MYO15A: variants seen among roughly 807,000 people sequenced by gnomAD.
The protein encoded by MYO15A is myosin XVA.
In MYO15A, 308 loss-of-function variants were observed where a neutral mutation model predicts 394.6. The ratio of observed to expected loss-of-function variants is 0.78; its 90% CI spans 0.71 to 0.86. The LOEUF (loss-of-function observed/expected upper bound fraction) is 0.86. MYO15A is among the 40% of genes least tolerant of loss of function. The probability of loss-of-function intolerance (pLI) is 0.00; values close to 1 mark genes in which losing one functional copy is unlikely to be tolerated. For missense variants in MYO15A, 4,606 were observed against 4,799.1 expected (o/e 0.96, Z 1.19); for synonymous variants, 1,957 against 2,003.8 (o/e 0.98, Z 0.62).
rs757305597 is a variant in MYO15A, at chr17:18,135,754, T to C, written c.4526T>C (p.Ile1509Thr). The change falls in exon 13 of 66, where the codon ATC becomes ACC. Residue 1509 changes from isoleucine (I) to threonine (T), a missense_variant. By Grantham distance (89) the Ile-to-Thr change is moderately conservative. Coordinates refer to ENST00000647165, the MANE Select transcript of MYO15A (RefSeq NM_016239.4). ...EVASVVSARE[I>T]QAVAELLQIS... ...GCCTCAGTGGTGAGTGCCCGAGAGA[T>C]CCAGGCCGTGGCAGAGCTGCTGCAG... The C allele has an allele frequency of 2.5e-5, 41 of 1,614,180 alleles. No individual in the cohort carries two copies. The South Asian group carries it at 4.5e-4, about 18-fold the overall frequency.
intron 64 of MYO15A, 136 bp from the exon 65 acceptor site, chr17:18,173,645 A>G: frequency 8.3e-7 from 1 of 1,205,138 alleles, no homozygotes; most frequent in East Asian, 2.4e-5. Context: ...AAGGTCACGC[A>G]AGTCACTGGG....
chr17:18,121,301 GC>G lies in MYO15A; in HGVS notation c.2504del (p.Pro835HisfsTer28). ...PAPRRAAGRLGPPGSPLPGSP... is the reference protein window; with the variant it reads ...PAPRRAAGRLXPPGSPLPGSP... ...CCACGCCGAGCCGCTGGGCGCCTGGGCCCACCCGGCTCGCCGCTGCCGGGCT... is the reference window on the plus strand; with the variant it reads ...CCACGCCGAGCCGCTGGGCGCCTGGGCCACCCGGCTCGCCGCTGCCGGGCT... On this transcript the variant is annotated frameshift_variant, in exon 2 of 66. Transcript: ENST00000647165. LOFTEE classifies it high-confidence loss of function. This position sits in a 1 kb window ranked among gnomAD's most constrained non-coding sequence, Gnocchi z 5.3. 7.5e-7 allele frequency: 1 copy of G among 1,332,690 alleles called. No individual in the cohort carries two copies. The highest frequency in any genetic ancestry group is 1.8e-5 in the South Asian group (1 of 56,566). 82.6% of individuals were successfully genotyped at this position (1,332,690 alleles called of 1,614,324 possible). A position where few individuals can be genotyped will look rare whatever the true frequency, so the allele number is the denominator to read the frequency against.
intron 41 of MYO15A, 31 bp from the exon 42 acceptor site, chr17:18,152,081 C>T (rs1272919071): frequency 5.2e-6 from 8 of 1,550,262 alleles, no homozygotes; most frequent in Non-Finnish European, 7.0e-6. Flanking sequence ...CTGCCTGTTG[C>T]CCCCTGAGCA....
At position 18,171,713 on chromosome 17, in the gene MYO15A, C is replaced by G. The variant is rs772336223; in HGVS notation, c.10158C>G (p.Ser3386Arg). The G allele has an allele frequency of 1.9e-6, 3 of 1,612,882 alleles. No homozygotes were observed. The African/African-American group carries it at 4.0e-5, about 21-fold the overall frequency. ...GCTCGACCTGGCTCAACCTGGTCAG[C>G]CAGCACCGGCAGCAGACACAGGCGC... ...TAGSTWLNLV[S>R]QHRQQTQALS... The change falls in exon 63 of 66, where the codon AGC becomes AGG. Residue 3386 changes from serine to arginine, a missense_variant. Ser to Arg is a moderately radical substitution (Grantham distance 110). Around this residue, in one of 2 missense-constraint regions of MYO15A, gnomAD observed 2,776 missense variants for 3,109.3 expected, o/e 0.89. Coordinates refer to ENST00000647165, the MANE Select transcript of MYO15A (RefSeq NM_016239.4).
intron 16 of MYO15A, 151 bp downstream of exon 16, chr17:18,137,830 G>A (rs1478613272): frequency 5.0e-6 from 5 of 999,820 alleles, no homozygotes; most frequent in Non-Finnish European, 7.6e-6. Flanking sequence ...ACCAGCCCAT[G>A]GGAAGGCCTC....
At position 18,120,121 on chromosome 17, in the gene MYO15A, G is replaced by A. The variant is rs1340965074; in HGVS notation, c.1321G>A (p.Ala441Thr). 1 of 1,612,784 alleles carries A rather than the reference G, an allele frequency of 6.2e-7. No individual in the cohort carries two copies. Among genetic ancestry groups the A allele is most frequent in the Admixed American group, 1.7e-5 (1 of 60,018 alleles). The change falls in exon 2 of 66, where the codon GCG (alanine) becomes ACG (threonine). Residue 441 changes from alanine to threonine, a missense_variant. Around this residue, in one of 2 missense-constraint regions of MYO15A, gnomAD observed 1,830 missense variants for 1,689.7 expected, o/e 1.08. Coordinates refer to ENST00000647165, the MANE Select transcript of MYO15A (RefSeq NM_016239.4). ...DIAELEEPED[A>T]GVERQGTSFR... ...CGCCGAGCTGGAGGAACCAGAGGAC[G>A]CGGGCGTAGAGCGTCAGGGGACCTC...
chr17:18,170,923 G>C (rs1216655644), intron 62 of MYO15A, among the ~76,000 whole-genome samples: 2 of 152,312 alleles, frequency 1.3e-5, no homozygotes, highest in Non-Finnish European at 2.9e-5. Flanking sequence ...AACTGGGGAG[G>C]CTGGGTTCAG....
chr17:18,167,799 G>C, intron 62 of MYO15A, 76 bp downstream of exon 62: 1 of 1,586,720 alleles, frequency 6.3e-7, no homozygotes, highest in South Asian at 1.1e-5. Flanking sequence ...ACCCTCCTCA[G>C]AGCTGGCAGT....
chr17:18,121,446 T>C lies in MYO15A; in HGVS notation c.2646T>C (p.Ala882=). The C allele has an allele frequency of 1.9e-6, 3 of 1,547,908 alleles. No homozygotes were observed. Among genetic ancestry groups the C allele is most frequent in the Non-Finnish European group, 2.6e-6 (3 of 1,146,714 alleles). Residue 882 remains alanine, a synonymous_variant, in exon 2 of 66, where the codon GCT becomes GCC. Transcript: ENST00000647165. This position sits in a 1 kb window ranked among gnomAD's most constrained non-coding sequence, Gnocchi z 5.3. ...GCCTCAGCGAGCCACCCACTCGGGC[T>C]GTGAAGCCGCAAGTGCGCCTGCCCT... ...WRRLSEPPTR[A]VKPQVRLPFH...
At chr17:18,122,928 G>C (rs563040547) in intron 2 of MYO15A, 54 of 159,064 alleles carry the variant, frequency 3.4e-4, no homozygotes, top group Admixed American at 1.6e-3. Flanking sequence ...TTCTGGAATA[G>C]GTCAGGGTGA....
rs1429573060 is a variant in MYO15A, at chr17:18,120,075, T to G, written c.1275T>G (p.Tyr425Ter). 1.9e-6 allele frequency: 3 copies of G among 1,612,892 alleles called. No individual in the cohort carries two copies. Among genetic ancestry groups the G allele is most frequent in the Non-Finnish European group, 2.5e-6 (3 of 1,179,764 alleles). The change falls in exon 2 of 66, where the codon TAT (tyrosine) becomes TAG (stop). Residue 425 changes from tyrosine to a stop codon, truncating the protein, a stop_gained. Coordinates refer to ENST00000647165, the MANE Select transcript of MYO15A (RefSeq NM_016239.4). LOFTEE classifies it high-confidence loss of function. ...PPPIPSPHNP[Y>*]AHAMDDIAEL... ...CCATCCCGTCGCCCCACAACCCGTATGCCCACGCCATGGATGACATCGCCG... is the reference window on the plus strand; with the variant it reads ...CCATCCCGTCGCCCCACAACCCGTAGGCCCACGCCATGGATGACATCGCCG...
rs771900135 is a variant in MYO15A at position 18,138,150 on chromosome 17, G to A, written c.4911G>A (p.Glu1637=). The A allele has an allele frequency of 3.1e-5, 50 of 1,613,188 alleles. No homozygotes were observed. Among genetic ancestry groups the A allele is most frequent in the Non-Finnish European group, 4.2e-5 (49 of 1,180,028 alleles). ...EYIREQIDWQ[E]ITFADNQPCI... ...TCCGTGAGCAGATAGACTGGCAGGA[G>A]ATCACCTTTGCTGACAACCAGCCCT... is the stretch of plus-strand genomic sequence containing the variant. The change falls in exon 17 of 66, where the codon GAG becomes GAA. Residue 1637 remains glutamate, a synonymous_variant. Transcript: ENST00000647165.
chr17:18,177,974 G>A (rs1422370236), intron 65 of MYO15A: 1 of 152,594 alleles, frequency 6.6e-6, no homozygotes, highest in Non-Finnish European at 1.5e-5. Flanking sequence ...CTAAGCCTGG[G>A]TCACTGCCCA....
Position 18,130,825 on chromosome 17 carries a change from T to TGTGTGTG in MYO15A, c.4038+16_4038+22dup. 1 of 1,209,278 alleles carries TGTGTGTG rather than the reference T, an allele frequency of 8.3e-7. No homozygotes were observed. Among genetic ancestry groups the TGTGTGTG allele is most frequent in the Non-Finnish European group, 1.1e-6 (1 of 875,246 alleles). The allele number at this position is 1,209,278 out of a possible 1,614,324, so 74.9% of individuals were successfully genotyped here. On this transcript the variant is annotated intron_variant, in intron 8 of 65. Transcript: ENST00000647165. ...TGAAGATAAAGGTACTCAGTGTGTG[T>TGTGTGTG]GTGTGTGTGTGTGTGTGTGTGTGTG...
intron 64 of MYO15A, 65 bp from the exon 65 acceptor site, chr17:18,173,716 G>C (rs1016599049): frequency 2.7e-5 from 44 of 1,607,052 alleles, no homozygotes; most frequent in Middle Eastern, 1.6e-4. Context: ...TGCAGGGCAG[G>C]GGTAAGAGTG....
rs777923747 is a variant in MYO15A at position 18,166,335 on chromosome 17, C to T, written c.9788-26C>T. The T allele has an allele frequency of 1.9e-6, 3 of 1,609,100 alleles. No homozygotes were observed. In the African/African-American group the frequency reaches 4.0e-5, roughly 21 times the overall value. On this transcript the variant is annotated intron_variant, in intron 60 of 65. Transcript: ENST00000647165. ...ATGTGTGTGCACACATGCCCCCACC[C>T]AGCCCTGCCTCCCTGCTCTCTGCAG...
Position 18,121,442 on chromosome 17 carries a change from G to A in MYO15A, c.2642G>A (p.Arg881Gln), listed in dbSNP as rs748721865. The change falls in exon 2 of 66, where the codon CGG (arginine) becomes CAG (glutamine). Residue 881 changes from arginine to glutamine, a missense_variant. Transcript: ENST00000647165. The surrounding 1 kb of genome is among the most constrained non-coding windows in gnomAD (Gnocchi z 5.3). ...TWRRLSEPPTRAVKPQVRLPF... is the reference protein window; with the variant it reads ...TWRRLSEPPTQAVKPQVRLPF... The stretch of plus-strand genomic sequence containing the variant: ...CGGCGCCTCAGCGAGCCACCCACTC[G>A]GGCTGTGAAGCCGCAAGTGCGCCTG... 1.2e-4 allele frequency: 193 copies of A among 1,547,178 alleles called. No individual in the cohort carries two copies. The highest frequency in any genetic ancestry group is 1.6e-4 in the Non-Finnish European group (182 of 1,146,668).
rs950035807 is a variant in MYO15A at position 18,172,472 on chromosome 17, G to C, written c.10350+182G>C. The C allele has an allele frequency of 8.2e-5, 79 of 965,248 alleles. No homozygotes were observed. The African/African-American group carries it at 1.2e-3, about 14-fold the overall frequency. 59.8% of individuals were successfully genotyped at this position (965,248 alleles called of 1,614,324 possible). Reference sequence around the variant, plus strand: ...TTCCTCATCTGGAAAATGAGGATAAGAGTTGAGCCCCACCCATAGGGCTGT... The same window carrying C: ...TTCCTCATCTGGAAAATGAGGATAACAGTTGAGCCCCACCCATAGGGCTGT... On this transcript the variant is annotated intron_variant, in intron 64 of 65. Coordinates refer to ENST00000647165, the MANE Select transcript of MYO15A (RefSeq NM_016239.4).
chr17:18,145,997 T>TCAGGTGTGGCACAAA lies in MYO15A; in HGVS notation c.6413_6414insACAGGTGTGGCACAA (p.His2137_Asn2138insLysGlnValTrpHis). ...ATGAGATCCTGGCACAGCTGGCCAA[T>TCAGGTGTGGCACAAA]CAGGTGTGGCACAATCACAATGCCC... On this transcript the variant is annotated inframe_insertion, in exon 30 of 66. Coordinates refer to ENST00000647165, the MANE Select transcript of MYO15A (RefSeq NM_016239.4). 6.2e-7 allele frequency: 1 copy of TCAGGTGTGGCACAAA among 1,613,834 alleles called. No homozygotes were observed. Among genetic ancestry groups the TCAGGTGTGGCACAAA allele is most frequent in the African/African-American group, 1.3e-5 (1 of 75,018 alleles).
Sources: allele counts gnomAD v4.1 joint callset (sites outside exome capture counted in the v4.1 genomes callset), GRCh38; gene constraint gnomAD v4.1.1; regional missense constraint gnomAD v4.1.1; non-coding constraint Gnocchi (gnomAD v3.1); transcripts MANE v1.5; gene names NCBI Gene and HGNC (gene_info 2026-07-23, HGNC 2026-07-21).